VAV1: variants seen among roughly 807,000 people sequenced by gnomAD.
The protein encoded by VAV1 is proto-oncogene vav.
VAV1 carries 33 observed loss-of-function variants against 128.1 expected under a neutral mutation model. That is an observed-to-expected ratio of 0.26 (90% confidence interval 0.20 to 0.34). The LOEUF (loss-of-function observed/expected upper bound fraction) is 0.34. Ranked by LOEUF, VAV1 falls within the 10% of genes least tolerant of loss-of-function variation. VAV1 has a pLI of 1.00. For synonymous variants in VAV1, 394 were observed against 409.8 expected (o/e 0.96, Z 0.47); for missense variants, 715 against 1,093.7 (o/e 0.65, Z 4.88).
At chr19:6,821,725 C>G (rs1294193615) in intron 3 of VAV1, 45 bp downstream of exon 3, 1 of 1,613,942 alleles carries the variant, frequency 6.2e-7, no homozygotes. Context: ...CCAGTCCTCC[C>G]CCTCCCTGAA....
chr19:6,811,305 G>A (rs1200252859), intron 1 of VAV1, among the ~76,000 whole-genome samples: 2 of 152,066 alleles, frequency 1.3e-5, no homozygotes, highest in Admixed American at 1.3e-4. Flanking sequence ...CATAGTGCTG[G>A]GATTATAAGC....
In VAV1 at chr19:6,850,722, C is replaced by T. The variant is rs1258040454; in HGVS notation, c.2182C>T (p.Arg728Trp). 5.0e-6 allele frequency: 8 copies of T among 1,614,010 alleles called. No individual in the cohort carries two copies. The highest frequency in any genetic ancestry group is 1.1e-5 in the South Asian group (1 of 91,058). ...AATCATGACAGCAGAAGGACTGTACCGGATCACAGAGAAAAAGGCTTTCCG... is the reference window on the plus strand; with the variant it reads ...AATCATGACAGCAGAAGGACTGTACTGGATCACAGAGAAAAAGGCTTTCCG... The part of the protein sequence containing the change: ...IKIMTAEGLY[R>W]ITEKKAFRGL... Residue 728 changes from arginine to tryptophan, a missense_variant, in exon 24 of 27, where the codon CGG becomes TGG. By Grantham distance (101) the Arg-to-Trp change is moderately radical. Coordinates refer to ENST00000602142, the MANE Select transcript of VAV1 (RefSeq NM_005428.4).
At chr19:6,778,906 T>C (rs1221942817) in intron 1 of VAV1, among the ~76,000 whole-genome samples, 1 of 151,526 alleles carries the variant, frequency 6.6e-6, no homozygotes, top group Non-Finnish European at 1.5e-5. Flanking sequence ...AGACAGAGTT[T>C]TGCTCTGTCA....
At position 6,857,154 on chromosome 19, in the gene VAV1, C is replaced by A; in HGVS notation, c.*47C>A. 1 of 1,612,274 alleles carries A rather than the reference C, an allele frequency of 6.2e-7. No individual in the cohort carries two copies. The highest frequency in any genetic ancestry group is 8.5e-7 in the Non-Finnish European group (1 of 1,179,508). On this transcript the variant is annotated 3_prime_UTR_variant, in exon 27 of 27. Coordinates refer to ENST00000602142, the MANE Select transcript of VAV1 (RefSeq NM_005428.4). The stretch of plus-strand genomic sequence containing the variant: ...GACGAGAAACTCCAGGCTCTGAGCC[C>A]GGCGTGGGCAGGCAGCGGAGCCAGG...
At chr19:6,814,667 CCTTCCTTTCTTT>C (rs1196582373) in intron 1 of VAV1, among the ~76,000 whole-genome samples, 47 of 25,116 alleles carry the variant, frequency 1.9e-3, no homozygotes, top group Middle Eastern at 0.023. Flanking sequence ...TTCCTTCCTT[CCTTCCTTTCTTT>C]CTTTCTTTCT....
At chr19:6,789,519 G>C (rs374704157) in intron 1 of VAV1, among the ~76,000 whole-genome samples, 5 of 150,728 alleles carry the variant, frequency 3.3e-5, no homozygotes, top group African/African-American at 9.8e-5. Flanking sequence ...CCAAAGTGCT[G>C]GGATTTCAGG....
intron 1 of VAV1, among the ~76,000 whole-genome samples, chr19:6,779,819 AAAT>A (rs1379317914): frequency 6.7e-5 from 10 of 148,778 alleles, no homozygotes; most frequent in African/African-American, 2.2e-4. Flanking sequence ...AGCTTCTAAA[AAAT>A]AATAAAAGGC....
chr19:6,823,182 A>G (rs1971838566), intron 6 of VAV1, among the ~76,000 whole-genome samples: 1 of 149,320 alleles, frequency 6.7e-6, no homozygotes. Context: ...CTAGAGGGCA[A>G]TGGCAAGCTC....
chr19:6,841,165 T>A lies in VAV1; in HGVS notation c.1981-1970T>A, dbSNP rs555131226. On this transcript the variant is annotated intron_variant, in intron 21 of 26. Transcript: ENST00000602142. Reference sequence around the variant, plus strand: ...CCTGGGCTCAAGAGACCCACCCTCCTTGGCTTCCCAAAGTGCTAGGATTAC... The same window carrying A: ...CCTGGGCTCAAGAGACCCACCCTCCATGGCTTCCCAAAGTGCTAGGATTAC... Among the ~76,000 whole-genome samples the A allele has an allele frequency of 5.3e-5, 8 of 152,026 alleles. No individual in the cohort carries two copies. In the East Asian group the frequency reaches 1.2e-3, roughly 22 times the overall value.
Position 6,852,949 on chromosome 19 carries a change from G to A in VAV1, c.2218-16G>A, listed in dbSNP as rs1972705280. ...GGCCCGCTGGGATAGCATCTGCCAT[G>A]TGGTCCGCCTTCTAGGAGCTGGTGG... On this transcript the variant is annotated splice_polypyrimidine_tract_variant and intron_variant, in intron 24 of 26. Coordinates refer to ENST00000602142, the MANE Select transcript of VAV1 (RefSeq NM_005428.4). 6.2e-7 allele frequency: 1 copy of A among 1,603,604 alleles called. No homozygotes were observed. Among genetic ancestry groups the A allele is most frequent in the South Asian group, 1.1e-5 (1 of 90,780 alleles).
chr19:6,773,987 C>T (rs529265762), intron 1 of VAV1, among the ~76,000 whole-genome samples: 8 of 152,188 alleles, frequency 5.3e-5, no homozygotes, highest in Admixed American at 1.3e-4. Flanking sequence ...CCATCTGGTC[C>T]TCAGGCTGGC....
chr19:6,823,611 G>T lies in VAV1; in HGVS notation c.654+1097G>T, dbSNP rs924777438. Among the ~76,000 whole-genome samples the T allele has an allele frequency of 7.9e-5, 12 of 151,868 alleles. No individual in the cohort carries two copies. The East Asian group carries it at 2.1e-3, about 27-fold the overall frequency. Reference sequence around the variant, plus strand: ...CAAGCCCTTTGTGAGGCTGCACTGGGCCTCTTCCTCTTGTCTCTCTGTCTC... The same window carrying T: ...CAAGCCCTTTGTGAGGCTGCACTGGTCCTCTTCCTCTTGTCTCTCTGTCTC... On this transcript the variant is annotated intron_variant, in intron 6 of 26. Transcript: ENST00000602142.
At chr19:6,784,153 T>C (rs149865022) in intron 1 of VAV1, 10,759 of 545,738 alleles carry the variant, frequency 0.02, 163 homozygotes, top group South Asian at 0.049. Context: ...ACTCAGGAAG[T>C]TGAGGCAGGA....
At chr19:6,796,562 C>T (rs549740813) in intron 1 of VAV1, among the ~76,000 whole-genome samples, 92 of 152,290 alleles carry the variant, frequency 6.0e-4, no homozygotes, top group Admixed American at 2.8e-3. Flanking sequence ...AGCCTTTGCA[C>T]TAACCTCAGG....
intron 24 of VAV1, among the ~76,000 whole-genome samples, chr19:6,852,210 T>G (rs2144831568): frequency 6.6e-6 from 1 of 152,270 alleles, no homozygotes; most frequent in Non-Finnish European, 1.5e-5. Flanking sequence ...AGATGGGATC[T>G]TGCTATGTTG....
intron 22 of VAV1, among the ~76,000 whole-genome samples, chr19:6,845,105 G>A (rs1417952354): frequency 3.9e-5 from 6 of 152,180 alleles, no homozygotes; most frequent in African/African-American, 1.4e-4. Context: ...ATTCGGCTGG[G>A]CGCAGTGGCT....
intron 25 of VAV1, among the ~76,000 whole-genome samples, 160 bp downstream of exon 25, chr19:6,853,239 T>C (rs1416361094): frequency 1.4e-5 from 2 of 145,076 alleles, no homozygotes; most frequent in Non-Finnish European, 3.0e-5. Flanking sequence ...TTCCTATATA[T>C]ATTTTAATAT....
chr19:6,821,900 C>T, intron 4 of VAV1, 41 bp downstream of exon 4: 1 of 1,613,100 alleles, frequency 6.2e-7, no homozygotes, highest in Non-Finnish European at 8.5e-7. Flanking sequence ...CACTGGAGCA[C>T]CGTCCTGGGG....
intron 20 of VAV1, 58 bp downstream of exon 20, chr19:6,836,626 C>T (rs1261074948): frequency 6.9e-6 from 11 of 1,594,818 alleles, no homozygotes; most frequent in Non-Finnish European, 8.6e-6. Context: ...GTTATGGATT[C>T]ATGTGGTCTC....
Sources: gnomAD v4.1 joint callset for allele counts (sites outside exome capture counted in the v4.1 genomes callset) on GRCh38, gnomAD v4.1.1 for gene constraint, MANE v1.5 for transcripts, NCBI Gene and HGNC (gene_info 2026-07-23, HGNC 2026-07-21) for gene names.